Variants in NDUFS4 observed in about 807,000 individuals in gnomAD.
NDUFS4 encodes NADH dehydrogenase [ubiquinone] iron-sulfur protein 4, mitochondrial.
NDUFS4 carries 28 observed loss-of-function variants against 24.3 expected under a neutral mutation model. That is an observed-to-expected ratio of 1.15 (90% CI 0.85 to 1.58). The LOEUF (loss-of-function observed/expected upper bound fraction) is 1.58. NDUFS4 is among the 40% of genes most tolerant of loss of function. NDUFS4 has a pLI of 0.00. For synonymous variants in NDUFS4, 93 were observed against 69.7 expected, an observed-to-expected ratio of 1.34 and a Z score of -1.67; for missense variants, 223 against 207.9, an observed-to-expected ratio of 1.07 and a Z score of -0.45.
chr5:53,639,166 TTTG>T (rs1391202922), intron 2 of NDUFS4, among the ~76,000 whole-genome samples: 1 of 151,962 alleles, frequency 6.6e-6, no homozygotes, highest in Non-Finnish European at 1.5e-5. Flanking sequence ...TTGCATTTTT[TTTG>T]TATAAAAGTT....
intron 2 of NDUFS4, among the ~76,000 whole-genome samples, chr5:53,638,005 G>T (rs935287061): frequency 2.6e-5 from 4 of 152,044 alleles, no homozygotes; most frequent in African/African-American, 9.7e-5. Context: ...AGTCTGATGA[G>T]CGTTCATTAT....
chr5:53,643,141 C>T (rs1204851220), intron 2 of NDUFS4, among the ~76,000 whole-genome samples: 3 of 151,892 alleles, frequency 2.0e-5, no homozygotes, highest in African/African-American at 7.2e-5. Context: ...TAATTATTAA[C>T]TGGTGAGTCT....
intron 1 of NDUFS4, among the ~76,000 whole-genome samples, chr5:53,602,803 A>G (rs1285950103): frequency 6.6e-6 from 1 of 152,240 alleles, no homozygotes; most frequent in African/African-American, 2.4e-5. Context: ...TATAAACAAC[A>G]AAGTGTACAT....
At chr5:53,567,280 G>T (rs975280033) in intron 1 of NDUFS4, among the ~76,000 whole-genome samples, 3 of 152,138 alleles carry the variant, frequency 2.0e-5, no homozygotes, top group Non-Finnish European at 4.4e-5. Flanking sequence ...ATTATGTCTG[G>T]TAATAATCAG....
intron 1 of NDUFS4, among the ~76,000 whole-genome samples, chr5:53,591,247 A>C (rs1329956436): frequency 6.6e-5 from 10 of 152,134 alleles, no homozygotes; most frequent in African/African-American, 2.2e-4. Flanking sequence ...ATGAGTGTAC[A>C]GATATCTGTT....
At chr5:53,560,872 C>A in intron 1 of NDUFS4, 112 bp downstream of exon 1, 2 of 1,567,578 alleles carry the variant, frequency 1.3e-6, no homozygotes, top group Non-Finnish European at 1.7e-6. Context: ...TCTGTTGACC[C>A]TTTTCTCGGG....
chr5:53,630,122 T>G (rs1320902060), intron 2 of NDUFS4, among the ~76,000 whole-genome samples: 3 of 152,216 alleles, frequency 2.0e-5, no homozygotes, highest in Non-Finnish European at 4.4e-5. Flanking sequence ...AGGATTTTAT[T>G]TCTCCTTCAC....
chr5:53,672,986 G>T (rs1294949331), intron 4 of NDUFS4, among the ~76,000 whole-genome samples: 2 of 152,074 alleles, frequency 1.3e-5, no homozygotes, highest in South Asian at 4.1e-4. Flanking sequence ...AAGTAAAGAT[G>T]CAACCAAGTT....
intron 1 of NDUFS4, among the ~76,000 whole-genome samples, chr5:53,595,178 GT>G (rs1750096714): frequency 6.6e-6 from 1 of 152,050 alleles, no homozygotes. Context: ...ACAGTAGTCT[GT>G]TACCTGGCAA....
At chr5:53,576,214 A>C (rs1041337851) in intron 1 of NDUFS4, among the ~76,000 whole-genome samples, 1 of 152,258 alleles carries the variant, frequency 6.6e-6, no homozygotes, top group Non-Finnish European at 1.5e-5. Context: ...AGATAGTATT[A>C]GGTCTTATAC....
intron 2 of NDUFS4, among the ~76,000 whole-genome samples, chr5:53,622,676 T>C (rs759555850): frequency 2.0e-5 from 3 of 152,326 alleles, no homozygotes; most frequent in Middle Eastern, 3.4e-3. Flanking sequence ...GAATTCTAGG[T>C]TGAAGATTGG....
chr5:53,593,305 T>G, intron 1 of NDUFS4, among the ~76,000 whole-genome samples: 1 of 152,208 alleles, frequency 6.6e-6, no homozygotes, highest in Admixed American at 6.5e-5. Context: ...AGTTATCAAA[T>G]TTGTGAGCTT....
chr5:53,616,898 A>G (rs1004447505), intron 2 of NDUFS4, among the ~76,000 whole-genome samples: 4 of 152,318 alleles, frequency 2.6e-5, no homozygotes, highest in African/African-American at 9.6e-5. Context: ...TTGTCTTTGC[A>G]TAGGTTTTAT....
intron 1 of NDUFS4, among the ~76,000 whole-genome samples, chr5:53,575,580 C>T (rs567223529): frequency 2.0e-4 from 26 of 130,784 alleles, no homozygotes; most frequent in Non-Finnish European, 3.4e-4. Context: ...CTTGCTCTGT[C>T]GCCTAGGCTG....
chr5:53,609,493 A>G (rs1750631843), intron 2 of NDUFS4, among the ~76,000 whole-genome samples: 1 of 152,178 alleles, frequency 6.6e-6, no homozygotes, highest in Non-Finnish European at 1.5e-5. Flanking sequence ...TTATTCATTT[A>G]TAGAGCAGAG....
intron 2 of NDUFS4, among the ~76,000 whole-genome samples, chr5:53,643,536 A>G (rs1195717381): frequency 1.3e-5 from 2 of 152,124 alleles, no homozygotes; most frequent in African/African-American, 2.4e-5. Flanking sequence ...CAAGTGTTAC[A>G]TTGTTTTAAT....
chr5:53,660,036 T>G (rs1349789040), intron 4 of NDUFS4, among the ~76,000 whole-genome samples: 1 of 152,060 alleles, frequency 6.6e-6, no homozygotes, highest in Non-Finnish European at 1.5e-5. Flanking sequence ...AGGGTACATG[T>G]GCACAACATG....
chr5:53,648,870 C>T (rs1202235037), intron 3 of NDUFS4, among the ~76,000 whole-genome samples: 1 of 152,050 alleles, frequency 6.6e-6, no homozygotes, highest in Non-Finnish European at 1.5e-5. Flanking sequence ...ACACAATATC[C>T]CCACCAATGT....
chr5:53,620,583 T>A (rs778867807), intron 2 of NDUFS4, among the ~76,000 whole-genome samples: 3 of 152,226 alleles, frequency 2.0e-5, no homozygotes, highest in Non-Finnish European at 4.4e-5. Flanking sequence ...CCACTGTTAC[T>A]ATTATTTTAT....
Sources: gnomAD v4.1 joint callset for allele counts (sites outside exome capture counted in the v4.1 genomes callset) on GRCh38, gnomAD v4.1.1 for gene constraint, MANE v1.5 for transcripts, NCBI Gene and HGNC (gene_info 2026-07-23, HGNC 2026-07-21) for gene names.